Variants in RAVER2 observed in about 807,000 individuals in gnomAD.
RAVER2 encodes the protein ribonucleoprotein PTB-binding 2.
In RAVER2, 46 loss-of-function variants were observed where a neutral mutation model predicts 78.1. The ratio of observed to expected loss-of-function variants is 0.59; its 90% CI spans 0.46 to 0.75. RAVER2 has a LOEUF of 0.75. RAVER2 is among the 30% of genes least tolerant of loss of function. The pLI is 0.00. For missense variants in RAVER2, 793 were observed against 837.5 expected (o/e 0.95, Z 0.66); for synonymous variants, 311 against 313.3 (o/e 0.99, Z 0.08).
intron 5 of RAVER2, among the ~76,000 whole-genome samples, chr1:64,793,530 T>C (rs761524240): frequency 6.6e-6 from 1 of 152,232 alleles, no homozygotes; most frequent in Non-Finnish European, 1.5e-5. Flanking sequence ...GTATAAACTG[T>C]ATTTTTTTAG....
intron 4 of RAVER2, among the ~76,000 whole-genome samples, chr1:64,783,663 T>C (rs892123189): frequency 6.6e-6 from 1 of 152,198 alleles, no homozygotes; most frequent in African/African-American, 2.4e-5. Flanking sequence ...ATGGGTAGAC[T>C]GCAAAAATTT....
At chr1:64,766,865 G>A (rs1407194105) in intron 1 of RAVER2, among the ~76,000 whole-genome samples, 1 of 152,130 alleles carries the variant, frequency 6.6e-6, no homozygotes, top group East Asian at 1.9e-4. Flanking sequence ...TGCTGAGACA[G>A]TGATGTTTTC....
intron 1 of RAVER2, among the ~76,000 whole-genome samples, chr1:64,757,561 A>T (rs1473021227): frequency 6.6e-6 from 1 of 152,190 alleles, no homozygotes; most frequent in Non-Finnish European, 1.5e-5. Context: ...GGCTTCCAGA[A>T]ATGTGAGGAA....
At chr1:64,788,978 C>G (rs1003754329) in intron 4 of RAVER2, among the ~76,000 whole-genome samples, 3 of 152,098 alleles carry the variant, frequency 2.0e-5, no homozygotes. Context: ...CAAAGTGTCA[C>G]GATTACAGGT....
intron 1 of RAVER2, among the ~76,000 whole-genome samples, chr1:64,754,054 A>C (rs946147143): frequency 6.6e-6 from 1 of 152,126 alleles, no homozygotes. Flanking sequence ...TAATAATAAT[A>C]ACCTTTGTTT....
chr1:64,746,150 C>CT (rs79389977), intron 1 of RAVER2, among the ~76,000 whole-genome samples: 57 of 152,082 alleles, frequency 3.7e-4, no homozygotes, highest in African/African-American at 1.3e-3. Flanking sequence ...ATCTATTTAA[C>CT]TTTTTTTTTC....
intron 3 of RAVER2, 132 bp downstream of exon 3, chr1:64,778,224 G>A: frequency 4.0e-6 from 3 of 752,738 alleles, no homozygotes; most frequent in South Asian, 4.9e-5. Context: ...ATTCTGTAGG[G>A]AAGACTTTGA....
chr1:64,758,577 G>A (rs1374089155), intron 1 of RAVER2, among the ~76,000 whole-genome samples: 2 of 152,206 alleles, frequency 1.3e-5, no homozygotes, highest in African/African-American at 4.8e-5. Flanking sequence ...TAGGAGCTGA[G>A]AGGGTCTTCA....
In RAVER2 at chr1:64,781,366, A is replaced by G; in HGVS notation, c.787-14A>G. ...AAGATCGGAATTACTGTTTAATAGA[A>G]TGTATTGTATCAGCTTGCACAGGAT... On this transcript the variant is annotated splice_polypyrimidine_tract_variant and intron_variant, in intron 3 of 11. Coordinates refer to ENST00000294428, the Ensembl canonical transcript of RAVER2. 6.5e-7 allele frequency: 1 copy of G among 1,543,736 alleles called. No homozygotes were observed. The highest frequency in any genetic ancestry group is 8.8e-7 in the Non-Finnish European group (1 of 1,142,374).
exon 12 of RAVER2, chr1:64,833,224 G>T: frequency 4.7e-6 from 1 of 214,424 alleles, no homozygotes. Context: ...AAAGGCATAT[G>T]CATGTAAAGT....
chr1:64,757,363 A>C (rs1259037259), intron 1 of RAVER2, among the ~76,000 whole-genome samples: 1 of 152,216 alleles, frequency 6.6e-6, no homozygotes, highest in Non-Finnish European at 1.5e-5. Context: ...GAAGTAATTA[A>C]GATGAAATGA....
rs138398947 is a variant in RAVER2 at position 64,804,704 on chromosome 1, TA to T, written c.1192-27del. The T allele has an allele frequency of 5.1e-3, 5,836 of 1,149,236 alleles. 250 individuals carry two copies. The African/African-American group carries it at 0.081, about 16-fold the overall frequency. 71.2% of individuals were successfully genotyped at this position (1,149,236 alleles called of 1,614,324 possible). ...TATACAACATGTAGCTTTTCAAAAT[TA>T]AACTGACAACGTTTTGTCATTTTCA... On this transcript the variant is annotated intron_variant, in intron 6 of 11. Coordinates refer to ENST00000294428, the Ensembl canonical transcript of RAVER2.
chr1:64,745,338 G>T lies in RAVER2; in HGVS notation c.166G>T (p.Ala56Ser). The stretch of plus-strand genomic sequence containing the variant: ...CGCGCTGCACCCTGAGGAGGTCGCC[G>T]CGCGACTGCAGCGGATGCAGCGGGA... The change falls in exon 1 of 12, where the codon GCG becomes TCG. Residue 56 changes from alanine (A) to serine (S), a missense_variant. Ala to Ser is a moderately conservative substitution (Grantham distance 99). Coordinates refer to ENST00000294428, the Ensembl canonical transcript of RAVER2. This position sits in a 1 kb window ranked among gnomAD's most constrained non-coding sequence, Gnocchi z 4.3. 1 of 1,539,900 alleles carries T rather than the reference G, an allele frequency of 6.5e-7. No homozygotes were observed. Among genetic ancestry groups the T allele is most frequent in the East Asian group, 2.5e-5 (1 of 39,770 alleles).
At chr1:64,807,040 T>A (rs1007610604) in intron 8 of RAVER2, among the ~76,000 whole-genome samples, 166 bp from the exon 9 acceptor site, 3 of 152,158 alleles carry the variant, frequency 2.0e-5, no homozygotes, top group Non-Finnish European at 2.9e-5. Flanking sequence ...GTTTTTTTCA[T>A]AAAGGAACCC....
chr1:64,805,075 T>G, exon 8 of RAVER2: 13 of 1,613,996 alleles, frequency 8.1e-6, no homozygotes, highest in Non-Finnish European at 1.1e-5. Context: ...GAAAAAGGAG[T>G]TGGGACATCA....
chr1:64,831,802 ATTCAGAT>A (rs1161707247), exon 12 of RAVER2: 1 of 152,206 alleles, frequency 6.6e-6, no homozygotes, highest in Admixed American at 6.5e-5. Context: ...TTTATATGAA[ATTCAGAT>A]TTCAGTGTCC....
intron 2 of RAVER2, 99 bp from the exon 3 acceptor site, chr1:64,777,524 G>A (rs1557590114): frequency 1.1e-6 from 1 of 937,588 alleles, no homozygotes. Context: ...CAGAAAAAAG[G>A]TGTATGTTTA....
At chr1:64,778,766 T>C (rs947720600) in intron 3 of RAVER2, among the ~76,000 whole-genome samples, 3 of 149,220 alleles carry the variant, frequency 2.0e-5, no homozygotes, top group Non-Finnish European at 4.4e-5. Context: ...ATCAATTATT[T>C]CTCTCTTGTT....
At chr1:64,807,341 G>A (rs758625982) in exon 9 of RAVER2, 8 of 1,613,978 alleles carry the variant, frequency 5.0e-6, no homozygotes, top group Non-Finnish European at 6.8e-6. Flanking sequence ...GCCACGGTGG[G>A]AATGGCAGAA....
Sources: gnomAD v4.1 joint callset for allele counts (sites outside exome capture counted in the v4.1 genomes callset) on GRCh38, gnomAD v4.1.1 for gene constraint, Gnocchi (gnomAD v3.1) non-coding constraint, MANE v1.5 for transcripts, NCBI Gene and HGNC (gene_info 2026-07-23, HGNC 2026-07-21) for gene names.